The following PRKN variants were observed in gnomAD, a reference collection of about 807,000 sequenced individuals.
PRKN encodes E3 ubiquitin-protein ligase parkin.
PRKN carries 56 observed loss-of-function variants against 59.5 expected under a neutral mutation model. The ratio of observed to expected loss-of-function variants is 0.94; its 90% CI spans 0.76 to 1.18. The LOEUF (loss-of-function observed/expected upper bound fraction) is 1.18. Among genes scored for constraint, PRKN ranks in the 50% most tolerant of loss-of-function variants. The pLI, the probability that PRKN is intolerant of heterozygous loss-of-function variation, is 0.00. For synonymous variants in PRKN, 250 were observed against 222.1 expected, an observed-to-expected ratio of 1.13 and a Z score of -1.12; for missense variants, 657 against 596.4, an observed-to-expected ratio of 1.10 and a Z score of -1.06.
chr6:162,568,898 C>T (rs1323976283), intron 1 of PRKN: 1 of 688,206 alleles, frequency 1.5e-6, no homozygotes, highest in Non-Finnish European at 2.7e-6. Flanking sequence ...TTATCCTCAT[C>T]AGGAAGGACA....
chr6:162,116,556 C>T (rs952628374), intron 4 of PRKN, among the ~76,000 whole-genome samples: 19 of 152,176 alleles, frequency 1.2e-4, no homozygotes, highest in African/African-American at 3.1e-4. Flanking sequence ...TCTTAAGGGA[C>T]GAGAGCACGT....
intron 2 of PRKN, among the ~76,000 whole-genome samples, chr6:162,342,644 G>A (rs945559143): frequency 6.6e-6 from 1 of 152,086 alleles, no homozygotes; most frequent in African/African-American, 2.4e-5. Context: ...AGGGAGGGAA[G>A]AATCATTTAC....
At chr6:161,726,682 T>C (rs547244261) in intron 7 of PRKN, among the ~76,000 whole-genome samples, 51 of 152,078 alleles carry the variant, frequency 3.4e-4, no homozygotes, top group Middle Eastern at 3.4e-3. Context: ...AACCATGACA[T>C]ACAAATTTGA....
At chr6:161,418,551 T>A (rs1787955518) in intron 9 of PRKN, among the ~76,000 whole-genome samples, 1 of 152,204 alleles carries the variant, frequency 6.6e-6, no homozygotes, top group African/African-American at 2.4e-5. Context: ...CTTCTTTTAG[T>A]AAATAAACGT....
In PRKN at chr6:161,935,554, C is replaced by CAA. The variant is rs773798640; in HGVS notation, c.734+37746_734+37747dup. 4.4e-3 allele frequency among the ~76,000 whole-genome samples: 361 copies of CAA among 82,560 alleles called. 3 individuals are homozygous for CAA. The highest frequency in any genetic ancestry group is 6.8e-3 in the East Asian group (17 of 2,490). 54.2% of individuals were successfully genotyped at this position (82,560 alleles called of 152,430 possible). A position where few individuals can be genotyped will look rare whatever the true frequency, so the allele number is the denominator to read the frequency against. ...GGGCAACAGAGCAAGACCTTGTTTC[C>CAA]AAAAAAAAAAAAAAAAAGAAGAAGA... On this transcript the variant is annotated intron_variant, in intron 6 of 11. Transcript: ENST00000366898.
chr6:162,019,163 G>C (rs936025783), intron 5 of PRKN, among the ~76,000 whole-genome samples: 10 of 152,060 alleles, frequency 6.6e-5, no homozygotes, highest in Admixed American at 2.6e-4. Flanking sequence ...CATTTTTATG[G>C]AGAAAAACAT....
intron 1 of PRKN, among the ~76,000 whole-genome samples, chr6:162,635,004 G>C (rs1262759021): frequency 1.3e-5 from 2 of 152,148 alleles, no homozygotes; most frequent in Non-Finnish European, 2.9e-5. Context: ...CTTTTGAGAA[G>C]TTCAAATACT....
chr6:162,182,805 CA>C (rs1783855357), intron 4 of PRKN, among the ~76,000 whole-genome samples: 1 of 152,182 alleles, frequency 6.6e-6, no homozygotes. Flanking sequence ...ATTTTTCCAA[CA>C]GCATATGCTC....
Position 162,096,848 on chromosome 6 carries a change from A to ATTTTTTTTTTTTTTT in PRKN, c.535-42689_535-42675dup, listed in dbSNP as rs71004079. Among the ~76,000 whole-genome samples the ATTTTTTTTTTTTTTT allele has an allele frequency of 8.1e-5, 4 of 49,180 alleles. 1 individual carries two copies. The highest frequency in any genetic ancestry group is 1.8e-4 in the African/African-American group (2 of 11,224). The allele number at this position is 49,180 out of a possible 152,430, so 32.3% of individuals were successfully genotyped here. ...GTGAGAATGGACTCATACAGCTGGA[A>ATTTTTTTTTTTTTTT]TTTTTTTTTTTTTTTTTTTTTTTTT... On this transcript the variant is annotated intron_variant, in intron 4 of 11. Coordinates refer to ENST00000366898, the MANE Select transcript of PRKN (RefSeq NM_004562.3).
chr6:161,465,466 C>A lies in PRKN; in HGVS notation c.1084-78589G>T, dbSNP rs1347621031. ...CATCTGAAAATGTTATTTTTGGGGG[C>A]CTTTCTTTTGGGGATTTTTTTTTTT... On this transcript the variant is annotated intron_variant, in intron 9 of 11. Coordinates refer to ENST00000366898, the MANE Select transcript of PRKN (RefSeq NM_004562.3). Among the ~76,000 whole-genome samples the A allele has an allele frequency of 2.0e-5, 3 of 149,378 alleles. No individual in the cohort carries two copies. The East Asian group carries it at 5.8e-4, about 29-fold the overall frequency.
intron 11 of PRKN, among the ~76,000 whole-genome samples, chr6:161,350,586 A>T (rs1346253164): frequency 2.3e-5 from 3 of 131,514 alleles, no homozygotes; most frequent in South Asian, 2.1e-4. Context: ...AAAATATATA[A>T]ATATATTTTT....
At chr6:161,979,251 G>A (rs1272900949) in intron 5 of PRKN, among the ~76,000 whole-genome samples, 1 of 152,010 alleles carries the variant, frequency 6.6e-6, no homozygotes, top group Non-Finnish European at 1.5e-5. Context: ...TTGTGACACT[G>A]TTAAATGCCA....
At chr6:162,322,403 A>C (rs1402987060) in intron 2 of PRKN, among the ~76,000 whole-genome samples, 2 of 152,130 alleles carry the variant, frequency 1.3e-5, no homozygotes, top group African/African-American at 4.8e-5. Flanking sequence ...GTCAATCAAA[A>C]TCTTAGAAGA....
intron 7 of PRKN, among the ~76,000 whole-genome samples, chr6:161,679,908 C>A (rs1193824744): frequency 6.6e-6 from 1 of 151,844 alleles, no homozygotes; most frequent in East Asian, 2.0e-4. Flanking sequence ...GCGCCTGCCA[C>A]CAGCCTGGCT....
intron 6 of PRKN, among the ~76,000 whole-genome samples, chr6:161,968,955 C>G (rs952425677): frequency 3.3e-5 from 5 of 152,278 alleles, no homozygotes; most frequent in Non-Finnish European, 4.4e-5. Flanking sequence ...ACATTGTTCT[C>G]TCACAATAAA....
chr6:161,903,161 A>C (rs1365929012), intron 6 of PRKN, among the ~76,000 whole-genome samples: 7 of 146,324 alleles, frequency 4.8e-5, no homozygotes, highest in Admixed American at 2.7e-4. Flanking sequence ...TTTCCAAAGG[A>C]GACAGGACGG....
chr6:161,790,566 C>A (rs1444726539), intron 6 of PRKN, among the ~76,000 whole-genome samples: 3 of 152,066 alleles, frequency 2.0e-5, no homozygotes, highest in African/African-American at 4.8e-5. Flanking sequence ...AAAATGAGTG[C>A]CCTTTTAAAG....
At chr6:161,918,426 T>A (rs908383379) in intron 6 of PRKN, among the ~76,000 whole-genome samples, 1 of 152,210 alleles carries the variant, frequency 6.6e-6, no homozygotes, top group Non-Finnish European at 1.5e-5. Context: ...CTACCTCTTA[T>A]GAGGCTTATG....
intron 3 of PRKN, among the ~76,000 whole-genome samples, chr6:162,214,295 C>G (rs1352633425): frequency 5.3e-5 from 8 of 152,092 alleles, no homozygotes; most frequent in African/African-American, 1.9e-4. Context: ...TCTCCAGTAT[C>G]CTAGGTTTTG....
Sources: allele counts gnomAD v4.1 joint callset (sites outside exome capture counted in the v4.1 genomes callset), GRCh38; gene constraint gnomAD v4.1.1; transcripts MANE v1.5; gene names NCBI Gene and HGNC (gene_info 2026-07-23, HGNC 2026-07-21).